ARHGAP26: variants seen among roughly 807,000 people sequenced by gnomAD.
The protein encoded by ARHGAP26 is rho GTPase-activating protein 26.
In ARHGAP26, 38 loss-of-function variants were observed where a neutral mutation model predicts 104.8. The observed-to-expected ratio is 0.36, with a 90% CI of 0.28 to 0.48. ARHGAP26 has a LOEUF of 0.48. ARHGAP26 is among the 20% of genes least tolerant of loss of function. The probability of loss-of-function intolerance (pLI) is 0.99; values close to 1 mark genes in which losing one functional copy is unlikely to be tolerated. For missense variants in ARHGAP26, 704 were observed against 947.9 expected (o/e 0.74, Z 3.38); for synonymous variants, 341 against 340.0 (o/e 1.00, Z -0.03).
chr5:142,781,111 G>T (rs1212773371), intron 1 of ARHGAP26, among the ~76,000 whole-genome samples: 1 of 152,208 alleles, frequency 6.6e-6, no homozygotes, highest in Non-Finnish European at 1.5e-5. Context: ...ACAAAGGGGA[G>T]ATTGCTAGCA....
intron 12 of ARHGAP26, among the ~76,000 whole-genome samples, chr5:143,018,711 A>G (rs181363962): frequency 3.9e-5 from 6 of 152,182 alleles, no homozygotes; most frequent in East Asian, 3.9e-4. Flanking sequence ...TTTTGTCCCA[A>G]TACCTCTCTG....
chr5:142,998,293 A>G (rs530670087), intron 11 of ARHGAP26, among the ~76,000 whole-genome samples: 25 of 152,308 alleles, frequency 1.6e-4, no homozygotes, highest in Non-Finnish European at 3.1e-4. Context: ...AGGGCTGAGT[A>G]GTAGGGCCAA....
chr5:143,095,158 CTATATAA>C (rs1400911029), intron 17 of ARHGAP26, among the ~76,000 whole-genome samples: 1 of 149,744 alleles, frequency 6.7e-6, no homozygotes, highest in Non-Finnish European at 1.5e-5. Context: ...TTATATATTA[CTATATAA>C]TATATATGTA....
chr5:142,973,203 T>C (rs911286041), intron 11 of ARHGAP26, among the ~76,000 whole-genome samples: 11 of 152,102 alleles, frequency 7.2e-5, no homozygotes, highest in Admixed American at 2.6e-4. Context: ...AAAGCTAAGA[T>C]AGATAGAAGA....
chr5:143,056,183 G>A (rs6580266), intron 16 of ARHGAP26, 97 bp downstream of exon 16: 401,878 of 1,003,588 alleles, frequency 0.4, 98,339 homozygotes, highest in East Asian at 0.93. Context: ...CTAACCCTTC[G>A]TATTCTGCAC....
At chr5:143,014,317 C>G (rs1779298540) in intron 12 of ARHGAP26, 1 of 619,012 alleles carries the variant, frequency 1.6e-6, no homozygotes, top group African/African-American at 1.8e-5. Flanking sequence ...GCTGGCAAGG[C>G]TGTAGTGTAG....
chr5:142,900,284 A>G (rs1760113273), intron 6 of ARHGAP26, among the ~76,000 whole-genome samples: 1 of 152,116 alleles, frequency 6.6e-6, no homozygotes, highest in South Asian at 2.1e-4. Flanking sequence ...AAAAACATTC[A>G]TTATCAGTCT....
chr5:143,075,076 A>G (rs1788796851), intron 17 of ARHGAP26, among the ~76,000 whole-genome samples: 1 of 152,264 alleles, frequency 6.6e-6, no homozygotes. Context: ...CAAAGGCTAG[A>G]TAGCCTAAAG....
chr5:143,087,321 A>G (rs1245800421), intron 17 of ARHGAP26, among the ~76,000 whole-genome samples: 1 of 152,222 alleles, frequency 6.6e-6, no homozygotes, highest in Non-Finnish European at 1.5e-5. Context: ...TTGGAATTAA[A>G]GGAATTTGCC....
At chr5:143,179,744 T>G (rs1804028461) in intron 20 of ARHGAP26, among the ~76,000 whole-genome samples, 1 of 152,248 alleles carries the variant, frequency 6.6e-6, no homozygotes, top group Non-Finnish European at 1.5e-5. Flanking sequence ...GTTTGGTAAT[T>G]CCACACTTCA....
chr5:143,093,281 T>G (rs915665667), intron 17 of ARHGAP26, among the ~76,000 whole-genome samples: 6 of 152,120 alleles, frequency 3.9e-5, no homozygotes, highest in African/African-American at 1.4e-4. Flanking sequence ...TTGAATGCAT[T>G]TGGGCCATCT....
intron 20 of ARHGAP26, among the ~76,000 whole-genome samples, chr5:143,195,865 T>C (rs1325024782): frequency 6.6e-6 from 1 of 151,980 alleles, no homozygotes; most frequent in African/African-American, 2.4e-5. Flanking sequence ...AACATGTTAA[T>C]TGCAAAAATA....
intron 17 of ARHGAP26, among the ~76,000 whole-genome samples, chr5:143,094,179 A>G (rs1164999195): frequency 2.0e-5 from 3 of 152,208 alleles, no homozygotes; most frequent in African/African-American, 7.2e-5. Context: ...CTTTCTCCTT[A>G]GTATGTCCTA....
At chr5:143,154,342 C>T (rs1281280177) in intron 20 of ARHGAP26, among the ~76,000 whole-genome samples, 1 of 151,984 alleles carries the variant, frequency 6.6e-6, no homozygotes, top group African/African-American at 2.4e-5. Context: ...GCTCTCTGTA[C>T]CTCAGTTTTC....
intron 11 of ARHGAP26, among the ~76,000 whole-genome samples, chr5:142,995,323 A>AAAAC: frequency 6.6e-6 from 1 of 152,106 alleles, no homozygotes; most frequent in African/African-American, 2.4e-5. Flanking sequence ...TTACAAGAAA[A>AAAAC]AAACAACCCC....
chr5:142,911,293 T>C (rs1598202267), intron 9 of ARHGAP26, among the ~76,000 whole-genome samples: 1 of 152,228 alleles, frequency 6.6e-6, no homozygotes, highest in South Asian at 2.1e-4. Flanking sequence ...CTCCTCAAAG[T>C]CTTCTTCTTT....
intron 1 of ARHGAP26, among the ~76,000 whole-genome samples, chr5:142,862,016 T>C (rs1753446099): frequency 6.6e-6 from 1 of 152,252 alleles, no homozygotes; most frequent in Non-Finnish European, 1.5e-5. Flanking sequence ...CGTCTGTGAC[T>C]TTCCGAATTC....
intron 19 of ARHGAP26, among the ~76,000 whole-genome samples, chr5:143,135,777 T>C (rs1797844257): frequency 6.6e-6 from 1 of 152,264 alleles, no homozygotes; most frequent in South Asian, 2.1e-4. Context: ...TAGAATAATT[T>C]CTAGGTCAAC....
At chr5:143,163,017 T>C (rs1172930367) in intron 20 of ARHGAP26, among the ~76,000 whole-genome samples, 1 of 151,828 alleles carries the variant, frequency 6.6e-6, no homozygotes, top group Non-Finnish European at 1.5e-5. Context: ...CTTGGGAGGC[T>C]GAGGGGAGGA....
Sources: allele counts gnomAD v4.1 joint callset (sites outside exome capture counted in the v4.1 genomes callset), GRCh38; gene constraint gnomAD v4.1.1; transcripts MANE v1.5; gene names NCBI Gene and HGNC (gene_info 2026-07-23, HGNC 2026-07-21).